SEMA6A: variants seen among roughly 807,000 people sequenced by gnomAD.
SEMA6A encodes the protein semaphorin 6A, also known as semaphorin-6A.
Under a neutral mutation model 96.8 loss-of-function variants are expected in SEMA6A, and 25 were observed. The observed-to-expected ratio is 0.26, with a 90% CI of 0.19 to 0.36. SEMA6A has a LOEUF of 0.36. Ranked by LOEUF, SEMA6A falls within the 10% of genes least tolerant of loss-of-function variation. The pLI, the probability that SEMA6A is intolerant of heterozygous loss-of-function variation, is 1.00. For synonymous variants in SEMA6A, 612 were observed against 518.0 expected (o/e 1.18, Z -2.46); for missense variants, 1,363 against 1,323.1 (o/e 1.03, Z -0.47).
chr5:116,505,197 A>G lies in SEMA6A; in HGVS notation c.-38-215T>C, dbSNP rs1330263167. On this transcript the variant is annotated intron_variant, in intron 1 of 18. Transcript: ENST00000343348. Reference sequence around the variant, plus strand: ...TGAGCCCTTTTGCAAAGTTTCTCCAATATGGAACAAAGAGCTTTAGTTCCT... The same window carrying G: ...TGAGCCCTTTTGCAAAGTTTCTCCAGTATGGAACAAAGAGCTTTAGTTCCT... 3.9e-5 allele frequency among the ~76,000 whole-genome samples: 6 copies of G among 152,234 alleles called. No individual in the cohort carries two copies. The East Asian group carries it at 9.7e-4, about 24-fold the overall frequency.
chr5:116,497,145 A>G (rs543303208), intron 4 of SEMA6A, among the ~76,000 whole-genome samples, 182 bp downstream of exon 4: 1 of 152,354 alleles, frequency 6.6e-6, no homozygotes, highest in East Asian at 1.9e-4. Flanking sequence ...TATGAAGTAC[A>G]TAACTGTTTC....
chr5:116,463,122 CTT>C (rs779011530), intron 18 of SEMA6A, among the ~76,000 whole-genome samples: 52 of 152,298 alleles, frequency 3.4e-4, no homozygotes, highest in Middle Eastern at 6.8e-3. Flanking sequence ...CCTATTCTCT[CTT>C]TGTCAAAAAG....
intron 16 of SEMA6A, among the ~76,000 whole-genome samples, chr5:116,473,400 T>TCTTTATACAGAGGGACATG (rs943504011): frequency 6.6e-6 from 1 of 152,196 alleles, no homozygotes; most frequent in African/African-American, 2.4e-5. Flanking sequence ...TTTAAACCCT[T>TCTTTATACAGAGGGACATG]CTTTATACAG....
chr5:116,499,107 C>G (rs1445060546), intron 3 of SEMA6A: 2 of 152,182 alleles, frequency 1.3e-5, no homozygotes, highest in African/African-American at 4.8e-5. Flanking sequence ...CAGCAATTGT[C>G]TAGAAGAACT....
intron 6 of SEMA6A, chr5:116,492,372 G>C (rs1247344363): frequency 2.0e-5 from 3 of 152,084 alleles, no homozygotes; most frequent in African/African-American, 7.3e-5. Flanking sequence ...AAATGTTTCG[G>C]TTTGTGAGGT....
chr5:116,562,088 G>C (rs528377922), intron 1 of SEMA6A, among the ~76,000 whole-genome samples: 247 of 152,252 alleles, frequency 1.6e-3, no homozygotes, highest in African/African-American at 4.9e-3. Context: ...GCAACAGGGA[G>C]GACTTTTTTC....
At chr5:116,538,354 T>C (rs1759817936) in intron 1 of SEMA6A, among the ~76,000 whole-genome samples, 1 of 152,196 alleles carries the variant, frequency 6.6e-6, no homozygotes, top group Non-Finnish European at 1.5e-5. Context: ...CAAAACAATT[T>C]ATTGCTGAAT....
chr5:116,496,511 A>G (rs989421975), intron 4 of SEMA6A, among the ~76,000 whole-genome samples, 198 bp from the exon 5 acceptor site: 11 of 152,230 alleles, frequency 7.2e-5, no homozygotes, highest in Admixed American at 6.5e-4. Flanking sequence ...ACTCCTATCT[A>G]TTCATTAAAC....
At chr5:116,500,470 T>C (rs1757822695) in intron 3 of SEMA6A, among the ~76,000 whole-genome samples, 1 of 152,242 alleles carries the variant, frequency 6.6e-6, no homozygotes, top group Non-Finnish European at 1.5e-5. Flanking sequence ...TGTTTGTGAA[T>C]TGTATGTGCA....
At chr5:116,508,489 C>A (rs907706736) in intron 1 of SEMA6A, among the ~76,000 whole-genome samples, 3 of 152,154 alleles carry the variant, frequency 2.0e-5, no homozygotes, top group Non-Finnish European at 4.4e-5. Flanking sequence ...AGCCAGAGTA[C>A]CACGCAGGCT....
intron 1 of SEMA6A, among the ~76,000 whole-genome samples, chr5:116,560,029 C>CA (rs148067466): frequency 0.012 from 1,884 of 152,326 alleles, 40 homozygotes; most frequent in African/African-American, 0.043. Context: ...TGTCCCTGTG[C>CA]GTCAGTCACC....
At chr5:116,485,516 A>G (rs75056281) in intron 10 of SEMA6A, among the ~76,000 whole-genome samples, 2,796 of 152,316 alleles carry the variant, frequency 0.018, 34 homozygotes, top group Middle Eastern at 0.048. Flanking sequence ...TCTTGGTGCA[A>G]TACGGGTTCG....
intron 18 of SEMA6A, among the ~76,000 whole-genome samples, chr5:116,452,824 C>T (rs951663557): frequency 1.3e-5 from 2 of 152,164 alleles, no homozygotes; most frequent in African/African-American, 4.8e-5. Context: ...CCTAGTATAA[C>T]AAGGTTTTGG....
intron 17 of SEMA6A, chr5:116,472,757 T>C: frequency 1.5e-6 from 1 of 645,822 alleles, no homozygotes; most frequent in Admixed American, 3.7e-5. Context: ...TAATAAATAA[T>C]TTTAGTGAAT....
chr5:116,450,220 G>C (rs6861511), intron 18 of SEMA6A, among the ~76,000 whole-genome samples: 2 of 152,002 alleles, frequency 1.3e-5, no homozygotes, highest in African/African-American at 4.8e-5. Context: ...AGTGGGAGTT[G>C]AACACAGGCT....
chr5:116,477,946 A>T lies in SEMA6A; in HGVS notation c.1569-20T>A, dbSNP rs1331769131. The T allele has an allele frequency of 1.9e-6, 3 of 1,613,828 alleles. No homozygotes were observed. The highest frequency in any genetic ancestry group is 2.5e-6 in the Non-Finnish European group (3 of 1,179,840). On this transcript the variant is annotated intron_variant, in intron 14 of 18. Coordinates refer to ENST00000343348, the MANE Select transcript of SEMA6A (RefSeq NM_020796.5). ...CAGGTTCTGCAGGAAGAGGATGACC[A>T]TGAGCTACCTAGGACTGTTTCCTAG...
rs59202921 is a variant in SEMA6A at position 116,448,170 on chromosome 5, T to TAAA, written c.1895-362_1895-360dup. ...AAGATGGTGAAACCCCCGTCTCTACTAAAAAAAAAAAAAAAAAAAAAAAAA... is the reference window on the plus strand; with the variant it reads ...AAGATGGTGAAACCCCCGTCTCTACTAAAAAAAAAAAAAAAAAAAAAAAAAAAA... On this transcript the variant is annotated intron_variant, in intron 18 of 18. Coordinates refer to ENST00000343348, the MANE Select transcript of SEMA6A (RefSeq NM_020796.5). Among the ~76,000 whole-genome samples the TAAA allele has an allele frequency of 5.9e-4, 71 of 119,516 alleles. 2 individuals carry two copies. The highest frequency in any genetic ancestry group is 1.1e-3 in the African/African-American group (30 of 27,468). The allele number at this position is 119,516 out of a possible 152,430, so 78.4% of individuals were successfully genotyped here.
chr5:116,516,435 G>A (rs1230955269), intron 1 of SEMA6A, among the ~76,000 whole-genome samples: 2 of 151,794 alleles, frequency 1.3e-5, no homozygotes, highest in Non-Finnish European at 1.5e-5. Context: ...TGAGCTCAGT[G>A]AAAACTGCAA....
At chr5:116,488,646 A>G (rs568956390) in intron 8 of SEMA6A, among the ~76,000 whole-genome samples, 2 of 152,332 alleles carry the variant, frequency 1.3e-5, no homozygotes, top group East Asian at 1.9e-4. Context: ...GCAAGAAAAC[A>G]TGAATGTAAT....
Sources: allele counts gnomAD v4.1 joint callset (sites outside exome capture counted in the v4.1 genomes callset), GRCh38; gene constraint gnomAD v4.1.1; transcripts MANE v1.5; gene names NCBI Gene and HGNC (gene_info 2026-07-23, HGNC 2026-07-21).